Variants in NIN observed in about 807,000 individuals in gnomAD.
The protein encoded by NIN is glycogen synthase kinase 3 beta-interacting protein.
Under a neutral mutation model 257.6 loss-of-function variants are expected in NIN, and 137 were observed. The observed-to-expected ratio is 0.53, with a 90% CI of 0.46 to 0.61. The LOEUF (loss-of-function observed/expected upper bound fraction) is 0.61. Ranked by LOEUF, NIN falls within the 20% of genes least tolerant of loss-of-function variation. The pLI, the probability that NIN is intolerant of heterozygous loss-of-function variation, is 0.00. For missense variants in NIN, 2,439 were observed against 2,501.2 expected, an observed-to-expected ratio of 0.98 and a Z score of 0.53; for synonymous variants, 918 against 919.8, an observed-to-expected ratio of 1.00 and a Z score of 0.04.
chr14:50,753,751 T>C (rs2041901932), intron 20 of NIN, among the ~76,000 whole-genome samples: 1 of 152,190 alleles, frequency 6.6e-6, no homozygotes, highest in African/African-American at 2.4e-5. Flanking sequence ...ATGGGCACAG[T>C]CATTTCCTCA....
At chr14:50,751,007 G>C (rs968545794) in intron 21 of NIN, among the ~76,000 whole-genome samples, 1 of 152,084 alleles carries the variant, frequency 6.6e-6, no homozygotes, top group Non-Finnish European at 1.5e-5. Context: ...ACACACAAAG[G>C]CATTCTATAG....
intron 5 of NIN, among the ~76,000 whole-genome samples, chr14:50,781,603 C>T (rs374681605): frequency 1.3e-5 from 2 of 152,208 alleles, no homozygotes; most frequent in African/African-American, 4.8e-5. Flanking sequence ...AATAAAGGAT[C>T]GAGTATGGAG....
Position 50,759,958 on chromosome 14 carries a change from G to A in NIN, c.2298C>T (p.His766=), listed in dbSNP as rs1298373944. 1.2e-6 allele frequency: 2 copies of A among 1,614,112 alleles called. No homozygotes were observed. The highest frequency in any genetic ancestry group is 2.2e-5 in the South Asian group (2 of 91,076). ...RGLTQELEQF[H]QEQLTSLVEK... Reference sequence around the variant, plus strand: ...CCACCAGGCTTGTCAGCTGCTCCTGGTGAAACTGCTCTAGTTCCTGAGTCA... The same window carrying A: ...CCACCAGGCTTGTCAGCTGCTCCTGATGAAACTGCTCTAGTTCCTGAGTCA... Residue 766 remains histidine (H), a synonymous_variant, in exon 17 of 31, where the codon CAC becomes CAT. Coordinates refer to ENST00000530997, the MANE Select transcript of NIN (RefSeq NM_020921.4).
At chr14:50,764,207 G>T (rs2042386521) in intron 14 of NIN, among the ~76,000 whole-genome samples, 1 of 152,108 alleles carries the variant, frequency 6.6e-6, no homozygotes. Context: ...GATCTGAATT[G>T]ATATTTCTCT....
chr14:50,772,466 A>G lies in NIN; in HGVS notation c.816T>C (p.Ser272=). 1 of 1,614,082 alleles carries G rather than the reference A, an allele frequency of 6.2e-7. No individual in the cohort carries two copies. The change falls in exon 9 of 31, where the codon TCT becomes TCC. Residue 272 remains serine, a splice_region_variant and synonymous_variant. Coordinates refer to ENST00000530997, the MANE Select transcript of NIN (RefSeq NM_020921.4). ...TGGTACGTCGTCCACTCTCATCGAAAGACTGGAAGGAGGAAGAGACTTGAG... is the reference window on the plus strand; with the variant it reads ...TGGTACGTCGTCCACTCTCATCGAAGGACTGGAAGGAGGAAGAGACTTGAG... ...RQLKRHLSMQ[S]FDESGRRTTT... is the part of the protein sequence containing the mutation.
intron 4 of NIN, among the ~76,000 whole-genome samples, chr14:50,793,688 G>A (rs1014034578): frequency 3.3e-5 from 5 of 151,928 alleles, no homozygotes; most frequent in Non-Finnish European, 5.9e-5. Context: ...CACCTTCCCC[G>A]TTACCATCAC....
chr14:50,737,547 C>T (rs1175973927), intron 27 of NIN, among the ~76,000 whole-genome samples: 3 of 138,788 alleles, frequency 2.2e-5, no homozygotes, highest in Non-Finnish European at 3.1e-5. Flanking sequence ...TTCTAATATT[C>T]GAGTGATAAA....
Position 50,752,535 on chromosome 14 carries a change from C to T in NIN, c.4933G>A (p.Glu1645Lys), listed in dbSNP as rs1214856549. Residue 1645 changes from glutamate (E) to lysine (K), a missense_variant, in exon 21 of 31, where the codon GAA (glutamate) becomes AAA (lysine). Coordinates refer to ENST00000530997, the MANE Select transcript of NIN (RefSeq NM_020921.4). Reference sequence around the variant, plus strand: ...GGCCATACCTGCACTTTACAACGTTCCAGTTCTTCTTTCAGATTAAACTTC... The same window carrying T: ...GGCCATACCTGCACTTTACAACGTTTCAGTTCTTCTTTCAGATTAAACTTC... ...QEKFNLKEELERCKVQSSTLV... is the reference protein window; with the variant it reads ...QEKFNLKEELKRCKVQSSTLV... The T allele has an allele frequency of 6.2e-7, 1 of 1,613,816 alleles. No individual in the cohort carries two copies. Among genetic ancestry groups the T allele is most frequent in the Non-Finnish European group, 8.5e-7 (1 of 1,179,800 alleles).
intron 21 of NIN, 39 bp downstream of exon 21, chr14:50,752,478 AT>A (rs2041828772): frequency 7.0e-7 from 1 of 1,438,484 alleles, no homozygotes. Context: ...ATTTCTTGGG[AT>A]TTCCTCAAAA....
intron 2 of NIN, among the ~76,000 whole-genome samples, chr14:50,830,245 C>A (rs1008590454): frequency 6.6e-6 from 1 of 152,256 alleles, no homozygotes; most frequent in Non-Finnish European, 1.5e-5. Flanking sequence ...CAGCTCCGGG[C>A]AGGCGGCCGG....
chr14:50,796,522 T>C (rs1248009853), intron 4 of NIN, among the ~76,000 whole-genome samples: 1 of 152,198 alleles, frequency 6.6e-6, no homozygotes, highest in Admixed American at 6.5e-5. Context: ...CACGCCACAT[T>C]TGTTATTTCA....
In NIN at chr14:50,762,041, A is replaced by G. The variant is rs986849824; in HGVS notation, c.1775-130T>C. Reference sequence around the variant, plus strand: ...TGAATTACCAGAGATGTGAACTAATAGGAAATAACAGAGGCCAAGAGAAGT... The same window carrying G: ...TGAATTACCAGAGATGTGAACTAATGGGAAATAACAGAGGCCAAGAGAAGT... On this transcript the variant is annotated intron_variant, in intron 15 of 30. Transcript: ENST00000530997. 3.2e-6 allele frequency: 3 copies of G among 925,568 alleles called. No individual in the cohort carries two copies. The African/African-American group carries it at 4.9e-5, about 15-fold the overall frequency. The allele number at this position is 925,568 out of a possible 1,614,324, so 57.3% of individuals were successfully genotyped here.
rs187833362 is a variant in NIN at position 50,747,968 on chromosome 14, C to T, written c.5064+24G>A. 131 of 1,485,452 alleles carry T rather than the reference C, an allele frequency of 8.8e-5. 2 individuals are homozygous for T. In the African/African-American group the frequency reaches 1.5e-3, roughly 17 times the overall value. The allele number at this position is 1,485,452 out of a possible 1,614,324, so 92.0% of individuals were successfully genotyped here. ...CCAGGTACATATTGTTCTGTGAACC[C>T]CCCTTAGCTGCACACAGCCTTACCT... On this transcript the variant is annotated intron_variant, in intron 22 of 30. Coordinates refer to ENST00000530997, the MANE Select transcript of NIN (RefSeq NM_020921.4).
rs374351463 is a variant in NIN at position 50,748,845 on chromosome 14, T to A, written c.4951-740A>T. Among the ~76,000 whole-genome samples, 13 of 152,312 alleles carry A rather than the reference T, an allele frequency of 8.5e-5. No individual in the cohort carries two copies. The East Asian group carries it at 2.5e-3, about 29-fold the overall frequency. Reference sequence around the variant, plus strand: ...CAAATGGGAAAACATTCCATGCTCATGGATAGGAAGAATCAATATCGTGAA... The same window carrying A: ...CAAATGGGAAAACATTCCATGCTCAAGGATAGGAAGAATCAATATCGTGAA... On this transcript the variant is annotated intron_variant, in intron 21 of 30. Coordinates refer to ENST00000530997, the MANE Select transcript of NIN (RefSeq NM_020921.4).
At chr14:50,820,060 T>G (rs1301187144) in intron 3 of NIN, among the ~76,000 whole-genome samples, 1 of 152,178 alleles carries the variant, frequency 6.6e-6, no homozygotes, top group East Asian at 1.9e-4. Context: ...AAAATGCAAA[T>G]TTAACAGTAG....
At chr14:50,789,494 C>T (rs942506451) in intron 5 of NIN, among the ~76,000 whole-genome samples, 8 of 152,196 alleles carry the variant, frequency 5.3e-5, no homozygotes, top group Admixed American at 2.6e-4. Flanking sequence ...TTGCTTGAAC[C>T]TGGGAGGCGG....
At chr14:50,820,453 A>C (rs1339196392) in intron 3 of NIN, among the ~76,000 whole-genome samples, 1 of 152,212 alleles carries the variant, frequency 6.6e-6, no homozygotes, top group Non-Finnish European at 1.5e-5. Flanking sequence ...TTCAGACTTT[A>C]ATGAGCATTA....
At chr14:50,818,637 T>C (rs1045346678) in intron 3 of NIN, among the ~76,000 whole-genome samples, 4 of 152,182 alleles carry the variant, frequency 2.6e-5, no homozygotes, top group Non-Finnish European at 5.9e-5. Context: ...GACAAAGATA[T>C]GATGGAACTC....
At chr14:50,744,914 G>C (rs1165501497) in intron 22 of NIN, among the ~76,000 whole-genome samples, 1 of 152,054 alleles carries the variant, frequency 6.6e-6, no homozygotes, top group Non-Finnish European at 1.5e-5. Flanking sequence ...GGGCGACAGA[G>C]ACTCTGTCTC....
Sources: gnomAD v4.1 joint callset for allele counts (sites outside exome capture counted in the v4.1 genomes callset) on GRCh38, gnomAD v4.1.1 for gene constraint, MANE v1.5 for transcripts, NCBI Gene and HGNC (gene_info 2026-07-23, HGNC 2026-07-21) for gene names.